Variants in FCHSD2 observed in about 807,000 individuals in gnomAD.
FCHSD2 encodes F-BAR and double SH3 domains protein 2.
In FCHSD2, 38 loss-of-function variants were observed where a neutral mutation model predicts 108.1. The ratio of observed to expected loss-of-function variants is 0.35; its 90% confidence interval spans 0.27 to 0.46. FCHSD2 has a LOEUF of 0.46. Among genes scored for constraint, FCHSD2 ranks in the 20% least tolerant of loss-of-function variants. The pLI is 1.00. For missense variants in FCHSD2, 751 were observed against 897.8 expected (o/e 0.84, Z 2.09); for synonymous variants, 279 against 314.7 (o/e 0.89, Z 1.20).
intron 3 of FCHSD2, among the ~76,000 whole-genome samples, chr11:73,042,450 G>T (rs1029242638): frequency 1.3e-5 from 2 of 152,094 alleles, no homozygotes; most frequent in Non-Finnish European, 2.9e-5. Flanking sequence ...ATGCTGTTTT[G>T]GTTACAATAG....
At chr11:73,034,401 C>T (rs141411173) in intron 3 of FCHSD2, among the ~76,000 whole-genome samples, 2 of 152,298 alleles carry the variant, frequency 1.3e-5, no homozygotes, top group South Asian at 2.1e-4. Context: ...CATGCAAAAA[C>T]GTTCCTCTTC....
At chr11:72,927,151 G>A (rs1471587941) in intron 8 of FCHSD2, among the ~76,000 whole-genome samples, 2 of 152,132 alleles carry the variant, frequency 1.3e-5, no homozygotes, top group African/African-American at 2.4e-5. Context: ...GCCTTTAAGG[G>A]TAAGGAAGAT....
intron 3 of FCHSD2, among the ~76,000 whole-genome samples, chr11:73,059,382 TAAG>T (rs559546315): frequency 2.4e-3 from 371 of 152,290 alleles, no homozygotes; most frequent in Admixed American, 4.1e-3. Context: ...TTTCTAGGAT[TAAG>T]AAGTTGTAGG....
chr11:72,922,364 C>G (rs781494653), intron 8 of FCHSD2, among the ~76,000 whole-genome samples: 8 of 152,032 alleles, frequency 5.3e-5, no homozygotes, highest in Non-Finnish European at 1.0e-4. Context: ...TAGGATTATA[C>G]ATTGGTATAT....
In FCHSD2 at chr11:72,887,317, C is replaced by T. The variant is rs909154781; in HGVS notation, c.1146+153G>A. On this transcript the variant is annotated intron_variant, in intron 12 of 19. Coordinates refer to ENST00000409418, the MANE Select transcript of FCHSD2 (RefSeq NM_014824.3). ...GTTATATGTACTGCCTTCCACAGAG[C>T]AGGTACTCAACAAATACTACTGTGG... Among the ~76,000 whole-genome samples, 4 of 152,096 alleles carry T rather than the reference C, an allele frequency of 2.6e-5. No homozygotes were observed. The East Asian group carries it at 7.7e-4, about 29-fold the overall frequency.
chr11:72,921,958 AGAG>A lies in FCHSD2; in HGVS notation c.706-11_706-9del, dbSNP rs1190886308. The A allele has an allele frequency of 1.9e-6, 3 of 1,570,492 alleles. No individual in the cohort carries two copies. The highest frequency in any genetic ancestry group is 2.3e-5 in the East Asian group (1 of 44,080). ...CACATTTCCATCAAGAGCCTGTAAT[AGAG>A]GAGTAAATAAAAGAAAAAAAATTAC... On this transcript the variant is annotated splice_polypyrimidine_tract_variant and intron_variant, in intron 8 of 19. Coordinates refer to ENST00000409418, the MANE Select transcript of FCHSD2 (RefSeq NM_014824.3).
intron 2 of FCHSD2, among the ~76,000 whole-genome samples, chr11:73,107,197 G>T (rs895517699): frequency 1.3e-5 from 2 of 152,118 alleles, no homozygotes; most frequent in Admixed American, 1.3e-4. Flanking sequence ...TGGGATTACA[G>T]GCATGCGCCA....
chr11:73,078,998 C>T (rs189982556), intron 3 of FCHSD2, among the ~76,000 whole-genome samples: 34 of 152,204 alleles, frequency 2.2e-4, no homozygotes, highest in Non-Finnish European at 2.6e-4. Context: ...GGATTACAGG[C>T]GTGCGCTACC....
In FCHSD2 at chr11:73,038,624, T is replaced by C. The variant is rs529168014; in HGVS notation, c.166-22739A>G. The stretch of plus-strand genomic sequence containing the variant: ...GAAAACCAAATACCACATGTTCTCA[T>C]ATCTAAGTGGGAGCTAAACATTGAA... On this transcript the variant is annotated intron_variant, in intron 3 of 19. Coordinates refer to ENST00000409418, the MANE Select transcript of FCHSD2 (RefSeq NM_014824.3). 2.2e-3 allele frequency among the ~76,000 whole-genome samples: 340 copies of C among 152,266 alleles called. 2 individuals are homozygous for C. The highest frequency in any genetic ancestry group is 3.4e-3 in the Non-Finnish European group (232 of 68,008).
chr11:72,970,023 C>T (rs1283074671), intron 8 of FCHSD2, among the ~76,000 whole-genome samples: 1 of 152,158 alleles, frequency 6.6e-6, no homozygotes, highest in African/African-American at 2.4e-5. Flanking sequence ...GACATGATTA[C>T]ATCAGCCTGA....
At chr11:73,081,444 A>T (rs1354973214) in intron 3 of FCHSD2, among the ~76,000 whole-genome samples, 1 of 152,220 alleles carries the variant, frequency 6.6e-6, no homozygotes, top group African/African-American at 2.4e-5. Context: ...AATTAAATAA[A>T]TAAATAAATC....
chr11:73,082,359 A>G (rs1396382382), intron 3 of FCHSD2, among the ~76,000 whole-genome samples: 3 of 147,918 alleles, frequency 2.0e-5, no homozygotes, highest in African/African-American at 7.3e-5. Flanking sequence ...AAAAAAAAAA[A>G]AAAGAAAAGA....
At position 72,959,165 on chromosome 11, in the gene FCHSD2, T is replaced by C. The variant is rs1322189036; in HGVS notation, c.705+24923A>G. On this transcript the variant is annotated intron_variant, in intron 8 of 19. Transcript: ENST00000409418. ...CAATACTCTTTACCCATTTTAGAAA[T>C]TTCAATCCTGGTTTCCCTGTTATTC... Among the ~76,000 whole-genome samples, 4 of 151,084 alleles carry C rather than the reference T, an allele frequency of 2.6e-5. No homozygotes were observed. In the East Asian group the frequency reaches 7.9e-4, roughly 30 times the overall value.
At chr11:72,986,472 G>A (rs989347118) in intron 6 of FCHSD2, among the ~76,000 whole-genome samples, 1 of 152,222 alleles carries the variant, frequency 6.6e-6, no homozygotes, top group Non-Finnish European at 1.5e-5. Context: ...GCCTCCCAAA[G>A]TGCTGGGATT....
intron 19 of FCHSD2, among the ~76,000 whole-genome samples, chr11:72,840,518 G>C (rs1375198354): frequency 1.3e-5 from 2 of 152,072 alleles, no homozygotes; most frequent in South Asian, 2.1e-4. Context: ...ATTTCATCTT[G>C]GTATTCCTCA....
At chr11:73,062,434 C>T (rs1325088933) in intron 3 of FCHSD2, among the ~76,000 whole-genome samples, 5 of 152,126 alleles carry the variant, frequency 3.3e-5, no homozygotes, top group East Asian at 1.9e-4. Flanking sequence ...GGATGGAGAA[C>T]GAGTTTGACA....
At chr11:72,992,778 A>C (rs1411220061) in intron 5 of FCHSD2, among the ~76,000 whole-genome samples, 2 of 152,216 alleles carry the variant, frequency 1.3e-5, no homozygotes, top group Non-Finnish European at 2.9e-5. Flanking sequence ...TAAAGACTTA[A>C]ATGTTAGACC....
At chr11:72,839,173 G>A (rs1371458140) in intron 19 of FCHSD2, among the ~76,000 whole-genome samples, 1 of 152,214 alleles carries the variant, frequency 6.6e-6, no homozygotes, top group Non-Finnish European at 1.5e-5. Context: ...TGGAAGCAAG[G>A]GAGAGCAATG....
intron 9 of FCHSD2, among the ~76,000 whole-genome samples, chr11:72,906,030 G>T (rs1347106012): frequency 6.6e-6 from 1 of 152,148 alleles, no homozygotes; most frequent in African/African-American, 2.4e-5. Context: ...TTCCACAATG[G>T]TTGAACTAAT....
Sources: allele counts gnomAD v4.1 joint callset (sites outside exome capture counted in the v4.1 genomes callset), GRCh38; gene constraint gnomAD v4.1.1; transcripts MANE v1.5; gene names NCBI Gene and HGNC (gene_info 2026-07-23, HGNC 2026-07-21).